The following MIA2 variants were observed in gnomAD, a reference collection of about 807,000 sequenced individuals.
MIA2 encodes melanoma inhibitory activity protein 2.
Under a neutral mutation model 167.8 loss-of-function variants are expected in MIA2, and 127 were observed. The ratio of observed to expected loss-of-function variants is 0.76; its 90% CI spans 0.66 to 0.88. MIA2 has a LOEUF of 0.88. Ranked by LOEUF, MIA2 falls within the 40% of genes least tolerant of loss-of-function variation. The pLI is 0.00. For missense variants in MIA2, 1,690 were observed against 1,624.7 expected, an observed-to-expected ratio of 1.04 and a Z score of -0.69; for synonymous variants, 552 against 541.9, an observed-to-expected ratio of 1.02 and a Z score of -0.26.
At chr14:39,368,941 CTAAA>C (rs1377190874) in intron 23 of MIA2, among the ~76,000 whole-genome samples, 1 of 152,122 alleles carries the variant, frequency 6.6e-6, no homozygotes, top group Non-Finnish European at 1.5e-5. Context: ...AAGTTGTCTT[CTAAA>C]TTATCTGTTT....
Position 39,304,723 on chromosome 14 carries a change from T to C in MIA2, c.2878+342T>C, listed in dbSNP as rs936753139. ...ACTTAATGTTTAAAGTCTTTGTTAATTGAAAAATTGATCTTCAATAGTGGT... is the reference window on the plus strand; with the variant it reads ...ACTTAATGTTTAAAGTCTTTGTTAACTGAAAAATTGATCTTCAATAGTGGT... On this transcript the variant is annotated intron_variant, in intron 17 of 28. Coordinates refer to ENST00000640607, the MANE Select transcript of MIA2 (RefSeq NM_001329214.4). Among the ~76,000 whole-genome samples the C allele has an allele frequency of 5.3e-5, 8 of 152,326 alleles. 1 individual carries two copies. The East Asian group carries it at 1.5e-3, about 29-fold the overall frequency.
At chr14:39,324,397 A>C (rs2067049998) in intron 24 of MIA2, among the ~76,000 whole-genome samples, 1 of 152,210 alleles carries the variant, frequency 6.6e-6, no homozygotes, top group South Asian at 2.1e-4. Flanking sequence ...GTATACTAAT[A>C]AGGAAAAATG....
At chr14:39,268,946 CAAT>C in intron 6 of MIA2, 1 of 922,300 alleles carries the variant, frequency 1.1e-6, no homozygotes, top group African/African-American at 1.8e-5. Flanking sequence ...TCACTAAAAA[CAAT>C]AATAATCAAG....
At chr14:39,315,504 T>A (rs1343149345) in intron 20 of MIA2, among the ~76,000 whole-genome samples, 179 bp from the exon 21 acceptor site, 1 of 152,162 alleles carries the variant, frequency 6.6e-6, no homozygotes, top group Non-Finnish European at 1.5e-5. Context: ...TACATTCAGT[T>A]TTTGTTTTAA....
At chr14:39,329,924 A>T (rs979737293) in intron 25 of MIA2, among the ~76,000 whole-genome samples, 1 of 152,010 alleles carries the variant, frequency 6.6e-6, no homozygotes, top group East Asian at 1.9e-4. Flanking sequence ...ATTGGCCTGA[A>T]ATTTTCTTTT....
At position 39,248,012 on chromosome 14, in the gene MIA2, C is replaced by A; in HGVS notation, c.1438C>A (p.Pro480Thr). 1 of 1,574,454 alleles carries A rather than the reference C, an allele frequency of 6.4e-7. No individual in the cohort carries two copies. Among genetic ancestry groups the A allele is most frequent in the Non-Finnish European group, 8.6e-7 (1 of 1,169,518 alleles). The change falls in exon 4 of 29, where the codon CCA (proline) becomes ACA (threonine). Residue 480 changes from proline to threonine, a missense_variant. Physicochemically the swap from Pro to Thr is conservative, Grantham distance 38 (BLOSUM62 -1). Coordinates refer to ENST00000640607, the MANE Select transcript of MIA2 (RefSeq NM_001329214.4). Reference protein sequence around the residue: ...FQNIPKETELPFPKQILDQNN... With the variant: ...FQNIPKETELTFPKQILDQNN... ...GAACATTCCAAAGGAAACAGAATTG[C>A]CATTTCCCAAACAGATACTGGATCA...
At chr14:39,348,712 T>G (rs772816201) in intron 27 of MIA2, 31 bp from the exon 28 acceptor site, 5 of 1,610,570 alleles carry the variant, frequency 3.1e-6, no homozygotes, top group East Asian at 4.5e-5. Context: ...ATTTACTGTT[T>G]TAGTGACTGC....
intron 23 of MIA2, among the ~76,000 whole-genome samples, chr14:39,367,183 T>G (rs919769222): frequency 6.6e-6 from 1 of 152,200 alleles, no homozygotes; most frequent in Non-Finnish European, 1.5e-5. Flanking sequence ...TGTGCTACAG[T>G]GCCCTATCCT....
At chr14:39,311,466 CTTTTTTT>C (rs35478238) in intron 18 of MIA2, among the ~76,000 whole-genome samples, 1 of 43,322 alleles carries the variant, frequency 2.3e-5, no homozygotes, top group South Asian at 1.2e-3. Flanking sequence ...TGATGTGTTG[CTTTTTTT>C]TTTTTTTTTT....
chr14:39,261,635 A>G (rs2055121587), intron 6 of MIA2, among the ~76,000 whole-genome samples: 1 of 152,144 alleles, frequency 6.6e-6, no homozygotes, highest in Admixed American at 6.5e-5. Context: ...ATTTCTCCAC[A>G]TCCTCTCCAG....
At chr14:39,269,096 T>TTTTTTTTTTTTTTTTTTTTTC (rs2056639556) in intron 6 of MIA2, 1 of 906,808 alleles carries the variant, frequency 1.1e-6, no homozygotes, top group Non-Finnish European at 1.3e-6. Flanking sequence ...TTTTTTTTTT[T>TTTTTTTTTTTTTTTTTTTTTC]TTTGCTAAAT....
At chr14:39,248,213 A>T in intron 4 of MIA2, 72 bp downstream of exon 4, 2 of 1,123,136 alleles carry the variant, frequency 1.8e-6, no homozygotes, top group Non-Finnish European at 2.3e-6. Context: ...AGTGCAAATC[A>T]GATGAAAAAG....
intron 6 of MIA2, among the ~76,000 whole-genome samples, chr14:39,262,134 T>A (rs962222667): frequency 1.1e-4 from 16 of 152,364 alleles, no homozygotes; most frequent in Middle Eastern, 3.4e-3. Context: ...GTCTAATTTT[T>A]AAGTCTTTAA....
chr14:39,276,149 CAA>C (rs1330592471), intron 6 of MIA2: 1 of 152,002 alleles, frequency 6.6e-6, no homozygotes, highest in Non-Finnish European at 1.5e-5. Flanking sequence ...GGCCTGGTAA[CAA>C]AGAGCAGAAT....
In MIA2 at chr14:39,247,380, A is replaced by G. The variant is rs768841258; in HGVS notation, c.806A>G (p.Asn269Ser). 1.2e-6 allele frequency: 2 copies of G among 1,614,168 alleles called. No individual in the cohort carries two copies. ...EDENDLEELN[N>S]GEPQTEHQQE... ...GAGAATGACCTAGAGGAATTAAATAATGGTGAGCCTCAAACAGAACATCAG... is the reference window on the plus strand; with the variant it reads ...GAGAATGACCTAGAGGAATTAAATAGTGGTGAGCCTCAAACAGAACATCAG... The change falls in exon 4 of 29, where the codon AAT becomes AGT. Residue 269 changes from asparagine (N) to serine (S), a missense_variant. By Grantham distance (46) the Asn-to-Ser change is conservative (BLOSUM62 1). Coordinates refer to ENST00000640607, the MANE Select transcript of MIA2 (RefSeq NM_001329214.4).
intron 23 of MIA2, among the ~76,000 whole-genome samples, chr14:39,382,080 G>A (rs991534724): frequency 1.3e-5 from 2 of 152,166 alleles, no homozygotes; most frequent in African/African-American, 4.8e-5. Context: ...CTTCCCTATT[G>A]GAAGCAAGCT....
intron 17 of MIA2, 79 bp downstream of exon 17, chr14:39,304,460 A>C: frequency 1.3e-6 from 1 of 782,328 alleles, no homozygotes; most frequent in Non-Finnish European, 2.0e-6. Flanking sequence ...AAATGAATTG[A>C]ATTAACTTTG....
intron 6 of MIA2, chr14:39,266,968 G>A (rs2055826832): frequency 4.3e-6 from 3 of 696,672 alleles, no homozygotes; most frequent in South Asian, 5.9e-5. Flanking sequence ...ACACGACAGC[G>A]CGGAGTATGA....
intron 25 of MIA2, among the ~76,000 whole-genome samples, chr14:39,339,067 G>A (rs968207714): frequency 6.6e-6 from 1 of 152,184 alleles, no homozygotes; most frequent in Admixed American, 6.5e-5. Context: ...GTTCACTTCA[G>A]ATCATCAGGC....
Sources: allele counts gnomAD v4.1 joint callset (sites outside exome capture counted in the v4.1 genomes callset), GRCh38; gene constraint gnomAD v4.1.1; transcripts MANE v1.5; gene names NCBI Gene and HGNC (gene_info 2026-07-23, HGNC 2026-07-21).